Variants in MFSD2A observed in about 807,000 individuals in gnomAD.
The protein encoded by MFSD2A is sodium-dependent lysophosphatidylcholine symporter 1.
Under a neutral mutation model 64.7 loss-of-function variants are expected in MFSD2A, and 27 were observed. The ratio of observed to expected loss-of-function variants is 0.42; its 90% CI spans 0.31 to 0.58. The LOEUF (loss-of-function observed/expected upper bound fraction) is 0.58. Ranked by LOEUF, MFSD2A falls within the 20% of genes least tolerant of loss-of-function variation. The pLI is 0.18. For synonymous variants in MFSD2A, 258 were observed against 273.4 expected, an observed-to-expected ratio of 0.94 and a Z score of 0.55; for missense variants, 474 against 679.5, an observed-to-expected ratio of 0.70 and a Z score of 3.36.
chr1:39,964,712 GGTGT>G lies in MFSD2A; in HGVS notation c.354-489_354-486del, dbSNP rs1021025021. ...TGTGAATGGGGGTGTGTGTGAATGG[GGTGT>G]GTGTGTGTGAATGATGTGTGTGTGA... On this transcript the variant is annotated intron_variant, in intron 3 of 13. Coordinates refer to ENST00000372811, the MANE Select transcript of MFSD2A (RefSeq NM_032793.5). The surrounding 1 kb of genome is among the most constrained non-coding windows in gnomAD (Gnocchi z 4.1). 3.5e-4 allele frequency: 57 copies of G among 161,940 alleles called. No individual in the cohort carries two copies. Among genetic ancestry groups the G allele is most frequent in the South Asian group, 8.1e-4 (5 of 6,140 alleles). The allele number at this position is 161,940 out of a possible 1,614,324, so 10.0% of individuals were successfully genotyped here. A position where few individuals can be genotyped will look rare whatever the true frequency, so the allele number is the denominator to read the frequency against.
In MFSD2A at chr1:39,965,066, A is replaced by G; in HGVS notation, c.354-145A>G. On this transcript the variant is annotated intron_variant, in intron 3 of 13. Transcript: ENST00000372811. This position sits in a 1 kb window ranked among gnomAD's most constrained non-coding sequence, Gnocchi z 5.5. ...ATCAGCCTCTTCCCAGAGGCCCAGG[A>G]TGGGTGGATTTGGCAGGAGTATGGG... is the stretch of plus-strand genomic sequence containing the variant. 8.8e-7 allele frequency: 1 copy of G among 1,136,298 alleles called. No homozygotes were observed. The highest frequency in any genetic ancestry group is 1.2e-6 in the Non-Finnish European group (1 of 813,756). The allele number at this position is 1,136,298 out of a possible 1,614,324, so 70.4% of individuals were successfully genotyped here. A position where few individuals can be genotyped will look rare whatever the true frequency, so the allele number is the denominator to read the frequency against.
chr1:39,955,260 C>G lies in MFSD2A; in HGVS notation c.-33C>G, dbSNP rs1047486724. On this transcript the variant is annotated 5_prime_UTR_variant, in exon 1 of 14. Coordinates refer to ENST00000372811, the MANE Select transcript of MFSD2A (RefSeq NM_032793.5). The surrounding 1 kb of genome is among the most constrained non-coding windows in gnomAD (Gnocchi z 5.9). ...CCTGCGGGGCAGAGGAGCATCCCGT[C>G]TACCAGGTCCCAAGCGGCGTGGCCC... The G allele has an allele frequency of 7.9e-6, 11 of 1,384,974 alleles. No individual in the cohort carries two copies. The highest frequency in any genetic ancestry group is 1.0e-5 in the Non-Finnish European group (11 of 1,067,462). 85.8% of individuals were successfully genotyped at this position (1,384,974 alleles called of 1,614,324 possible). A position where few individuals can be genotyped will look rare whatever the true frequency, so the allele number is the denominator to read the frequency against.
intron 7 of MFSD2A, 39 bp downstream of exon 7, chr1:39,966,730 G>A: frequency 6.2e-7 from 1 of 1,613,314 alleles, no homozygotes; most frequent in Non-Finnish European, 8.5e-7. Context: ...GCCTCAGCAT[G>A]GACAGCTGTA....
At position 39,969,854 on chromosome 1, in the gene MFSD2A, A is replaced by G; in HGVS notation, c.*286A>G. On this transcript the variant is annotated 3_prime_UTR_variant, in exon 14 of 14. Transcript: ENST00000372811. ...CTAATGTAGAAACCTTTTTTTTTACAGAGCCTAATTAATAACTTAATGACT... is the reference window on the plus strand; with the variant it reads ...CTAATGTAGAAACCTTTTTTTTTACGGAGCCTAATTAATAACTTAATGACT... The G allele has an allele frequency of 2.1e-6, 1 of 468,548 alleles. No individual in the cohort carries two copies. The highest frequency in any genetic ancestry group is 3.8e-6 in the Non-Finnish European group (1 of 265,658). 29.0% of individuals were successfully genotyped at this position (468,548 alleles called of 1,614,324 possible).
Position 39,958,137 on chromosome 1 carries a change from TAAG to T in MFSD2A, c.229-563_229-561del, listed in dbSNP as rs1644965929. On this transcript the variant is annotated intron_variant, in intron 2 of 13. Transcript: ENST00000372811. This position sits in a 1 kb window ranked among gnomAD's most constrained non-coding sequence, Gnocchi z 4.7. ...ATAGCAATAGCAGGGCTTTGATGGA[TAAG>T]GAGGAGTCTGGAGAGTCTGTATTTA... Among the ~76,000 whole-genome samples the T allele has an allele frequency of 6.9e-6, 1 of 144,182 alleles. No homozygotes were observed. Among genetic ancestry groups the T allele is most frequent in the African/African-American group, 2.6e-5 (1 of 38,000 alleles). The allele number at this position is 144,182 out of a possible 152,430, so 94.6% of individuals were successfully genotyped here.
Position 39,969,733 on chromosome 1 carries a change from T to A in MFSD2A, c.*165T>A. On this transcript the variant is annotated 3_prime_UTR_variant, in exon 14 of 14. Transcript: ENST00000372811. ...GTGCTCACTGTGGGGCCGGCTGCTC[T>A]GTGGCCTCCTGCCTCCCCTCTGCCT... is the stretch of plus-strand genomic sequence containing the variant. 1.5e-6 allele frequency: 1 copy of A among 646,860 alleles called. No homozygotes were observed. The highest frequency in any genetic ancestry group is 2.6e-6 in the Non-Finnish European group (1 of 382,378). 40.1% of individuals were successfully genotyped at this position (646,860 alleles called of 1,614,324 possible).
intron 13 of MFSD2A, among the ~76,000 whole-genome samples, chr1:39,969,161 C>G (rs947077573): frequency 6.6e-6 from 1 of 152,206 alleles, no homozygotes; most frequent in African/African-American, 2.4e-5. Context: ...CCTCAGCATT[C>G]CGGCTCCAGA....
chr1:39,968,246 C>T lies in MFSD2A; in HGVS notation c.1209-88C>T. 1.3e-6 allele frequency: 2 copies of T among 1,539,532 alleles called. No individual in the cohort carries two copies. Among genetic ancestry groups the T allele is most frequent in the Non-Finnish European group, 1.8e-6 (2 of 1,119,272 alleles). Reference sequence around the variant, plus strand: ...CTCACTGAGCTGTGTACCCATGGTACTGCAAGCTTCCAGAGGGCCACCTCT... The same window carrying T: ...CTCACTGAGCTGTGTACCCATGGTATTGCAAGCTTCCAGAGGGCCACCTCT... On this transcript the variant is annotated intron_variant, in intron 11 of 13. Transcript: ENST00000372811. The surrounding 1 kb of genome is among the most constrained non-coding windows in gnomAD (Gnocchi z 4.4).
rs745646655 is a variant in MFSD2A, at chr1:39,963,562, C to G, written c.354-1649C>G. Among the ~76,000 whole-genome samples the G allele has an allele frequency of 1.1e-4, 17 of 152,354 alleles. No individual in the cohort carries two copies. Among genetic ancestry groups the G allele is most frequent in the South Asian group, 4.1e-4 (2 of 4,830 alleles). ...AAGTAGCTGGGATAACAGGCATGTG[C>G]CACTGCCATTACAGCCATTTTTAAG... On this transcript the variant is annotated intron_variant, in intron 3 of 13. Transcript: ENST00000372811. The surrounding 1 kb of genome is among the most constrained non-coding windows in gnomAD (Gnocchi z 4.2).
chr1:39,966,181 A>C (rs1006358561), intron 6 of MFSD2A, among the ~76,000 whole-genome samples, 167 bp downstream of exon 6: 1 of 152,248 alleles, frequency 6.6e-6, no homozygotes, highest in Admixed American at 6.5e-5. Context: ...AAAGAAACTG[A>C]AGCTTAGAGA....
Position 39,967,557 on chromosome 1 carries a change from G to T in MFSD2A, c.1012-71G>T, listed in dbSNP as rs564403680. 1.0e-5 allele frequency: 15 copies of T among 1,436,370 alleles called. No homozygotes were observed. In the African/African-American group the frequency reaches 2.0e-4, roughly 19 times the overall value. 89.0% of individuals were successfully genotyped at this position (1,436,370 alleles called of 1,614,324 possible). A position where few individuals can be genotyped will look rare whatever the true frequency, so the allele number is the denominator to read the frequency against. ...GGGCAGGGCTGGGAGCCACTTTGGG[G>T]TTCTGGGAAGGGCAGGAGGGGCTCT... is the stretch of plus-strand genomic sequence containing the variant. On this transcript the variant is annotated intron_variant, in intron 9 of 13. Coordinates refer to ENST00000372811, the MANE Select transcript of MFSD2A (RefSeq NM_032793.5).
Position 39,958,562 on chromosome 1 carries a change from G to A in MFSD2A, c.229-139G>A. On this transcript the variant is annotated intron_variant, in intron 2 of 13. Transcript: ENST00000372811. The surrounding 1 kb of genome is among the most constrained non-coding windows in gnomAD (Gnocchi z 4.7). ...CATTATTAACAAGGCAAGTGAAGATGTGTAAGGTCCATGTGGGAGCAGCTC... is the reference window on the plus strand; with the variant it reads ...CATTATTAACAAGGCAAGTGAAGATATGTAAGGTCCATGTGGGAGCAGCTC... 7.8e-7 allele frequency: 1 copy of A among 1,287,688 alleles called. No homozygotes were observed. Among genetic ancestry groups the A allele is most frequent in the Non-Finnish European group, 1.1e-6 (1 of 894,842 alleles). The allele number at this position is 1,287,688 out of a possible 1,614,324, so 79.8% of individuals were successfully genotyped here. A position where few individuals can be genotyped will look rare whatever the true frequency, so the allele number is the denominator to read the frequency against.
At position 39,964,924 on chromosome 1, in the gene MFSD2A, ACT is replaced by A. The variant is rs1645124667; in HGVS notation, c.354-283_354-282del. 1 of 461,408 alleles carries A rather than the reference ACT, an allele frequency of 2.2e-6. No homozygotes were observed. The highest frequency in any genetic ancestry group is 3.8e-5 in the East Asian group (1 of 26,150). 28.6% of individuals were successfully genotyped at this position (461,408 alleles called of 1,614,324 possible). A position where few individuals can be genotyped will look rare whatever the true frequency, so the allele number is the denominator to read the frequency against. The stretch of plus-strand genomic sequence containing the variant: ...CCTGAGGTCTTGGACTCCTGTCCTA[ACT>A]CTCAGCCCATTAGAGGCTGCTGCCT... On this transcript the variant is annotated intron_variant, in intron 3 of 13. Coordinates refer to ENST00000372811, the MANE Select transcript of MFSD2A (RefSeq NM_032793.5). The surrounding 1 kb of genome is among the most constrained non-coding windows in gnomAD (Gnocchi z 4.1).
In MFSD2A at chr1:39,966,802, G is replaced by C; in HGVS notation, c.806-9G>C. Reference sequence around the variant, plus strand: ...CTGCTCCTTCCTCACTGTCCGCTCTGGCCCCCAGAACCCTATGAAGCCCAG... The same window carrying C: ...CTGCTCCTTCCTCACTGTCCGCTCTCGCCCCCAGAACCCTATGAAGCCCAG... On this transcript the variant is annotated splice_polypyrimidine_tract_variant and intron_variant, in intron 7 of 13. Transcript: ENST00000372811. The C allele has an allele frequency of 1.2e-6, 2 of 1,614,050 alleles. No individual in the cohort carries two copies. The highest frequency in any genetic ancestry group is 1.7e-6 in the Non-Finnish European group (2 of 1,180,006).
intron 3 of MFSD2A, among the ~76,000 whole-genome samples, chr1:39,961,864 G>C (rs1017027634): frequency 6.6e-6 from 1 of 152,182 alleles, no homozygotes; most frequent in African/African-American, 2.4e-5. Flanking sequence ...AGGCCAGTGT[G>C]TGAGAGACCA....
In MFSD2A at chr1:39,966,843, G is replaced by A. The variant is rs201983531; in HGVS notation, c.838G>A (p.Ala280Thr). Residue 280 changes from alanine (A) to threonine (T), a missense_variant, in exon 8 of 14, where the codon GCC becomes ACC. Ala to Thr is a moderately conservative substitution (Grantham distance 58, BLOSUM62 0). Transcript: ENST00000372811. ...TGAAGCCCAGCAGTCTGAGCCAATC[G>A]CCTACTTCCGGGGCCTACGGCTGGT... The part of the protein sequence containing the change: ...PYEAQQSEPI[A>T]YFRGLRLVMS... The A allele has an allele frequency of 1.7e-5, 28 of 1,613,894 alleles. No individual in the cohort carries two copies. In the African/African-American group the frequency reaches 1.7e-4, roughly 10 times the overall value.
Position 39,967,156 on chromosome 1 carries a change from T to C in MFSD2A, c.998T>C (p.Leu333Pro), listed in dbSNP as rs1267769088. The C allele has an allele frequency of 6.2e-7, 1 of 1,613,896 alleles. No individual in the cohort carries two copies. The highest frequency in any genetic ancestry group is 1.1e-5 in the South Asian group (1 of 91,064). ...LGFRNEFQNL[L>P]LAIMLSATLT... ...TTCCGCAATGAATTCCAGAATCTAC[T>C]CCTGGCCATCATGGTGAGTGGGACC... is the stretch of plus-strand genomic sequence containing the variant. The change falls in exon 9 of 14, where the codon CTC becomes CCC. Residue 333 changes from leucine (L) to proline (P), a missense_variant. Leu to Pro is a moderately conservative substitution (Grantham distance 98). Transcript: ENST00000372811.
At position 39,967,792 on chromosome 1, in the gene MFSD2A, C is replaced by T; in HGVS notation, c.1096-12C>T. ...TCCCAGCTGATTCATCTTCCTGCAC[C>T]CCCTTCCCTAGTCAGCAGTGCCATT... On this transcript the variant is annotated splice_polypyrimidine_tract_variant and intron_variant, in intron 10 of 13. Transcript: ENST00000372811. The T allele has an allele frequency of 6.2e-7, 1 of 1,610,606 alleles. No individual in the cohort carries two copies.
At chr1:39,962,657 T>A in intron 3 of MFSD2A, 1 of 797,614 alleles carries the variant, frequency 1.3e-6, no homozygotes, top group Non-Finnish European at 2.1e-6. Context: ...GGGGCCGGGG[T>A]CATGGCCGTG....
Sources: gnomAD v4.1 joint callset for allele counts (sites outside exome capture counted in the v4.1 genomes callset) on GRCh38, gnomAD v4.1.1 for gene constraint, Gnocchi (gnomAD v3.1) non-coding constraint, MANE v1.5 for transcripts, NCBI Gene and HGNC (gene_info 2026-07-23, HGNC 2026-07-21) for gene names.